Variants in GRIN3A observed in about 807,000 individuals in gnomAD.
GRIN3A encodes the protein glutamate receptor ionotropic, NMDA 3A.
In GRIN3A, 47 loss-of-function variants were observed where a neutral mutation model predicts 92.4. That is an observed-to-expected ratio of 0.51 (90% CI 0.40 to 0.65). GRIN3A has a LOEUF of 0.65. Ranked by LOEUF, GRIN3A falls within the 30% of genes least tolerant of loss-of-function variation. The probability of loss-of-function intolerance (pLI) is 0.00; values close to 1 mark genes in which losing one functional copy is unlikely to be tolerated. For missense variants in GRIN3A, 1,324 were observed against 1,393.1 expected (o/e 0.95, Z 0.79); for synonymous variants, 527 against 540.6 (o/e 0.97, Z 0.35).
At chr9:101,702,885 T>C (rs990222467) in intron 1 of GRIN3A, among the ~76,000 whole-genome samples, 4 of 152,178 alleles carry the variant, frequency 2.6e-5, no homozygotes, top group Non-Finnish European at 4.4e-5. Context: ...AAATCAGCTT[T>C]TAATCTCTCT....
chr9:101,711,229 C>A (rs1345422218), intron 1 of GRIN3A, among the ~76,000 whole-genome samples: 1 of 152,132 alleles, frequency 6.6e-6, no homozygotes, highest in Non-Finnish European at 1.5e-5. Flanking sequence ...CCTGGATCAT[C>A]GAGCCATGAT....
At chr9:101,626,730 A>G (rs1467281448) in intron 4 of GRIN3A, among the ~76,000 whole-genome samples, 1 of 152,210 alleles carries the variant, frequency 6.6e-6, no homozygotes, top group Non-Finnish European at 1.5e-5. Flanking sequence ...AACATGGACT[A>G]TTCTGCAAAC....
At chr9:101,624,324 T>C (rs1828600300) in intron 4 of GRIN3A, among the ~76,000 whole-genome samples, 1 of 151,506 alleles carries the variant, frequency 6.6e-6, no homozygotes, top group Admixed American at 6.6e-5. Flanking sequence ...GCTGCACCCA[T>C]TAACTCGTCA....
intron 3 of GRIN3A, among the ~76,000 whole-genome samples, chr9:101,655,405 C>G (rs749015294): frequency 9.2e-5 from 14 of 151,888 alleles, no homozygotes; most frequent in Non-Finnish European, 1.8e-4. Flanking sequence ...TGGTAATTCA[C>G]AAGTACTAGA....
At chr9:101,607,155 A>AG (rs1178723647) in intron 6 of GRIN3A, among the ~76,000 whole-genome samples, 1 of 128,036 alleles carries the variant, frequency 7.8e-6, no homozygotes, top group Non-Finnish European at 1.6e-5. Flanking sequence ...CCTGGAATTC[A>AG]GGAAAAAAAA....
chr9:101,635,478 C>T (rs1306715763), intron 3 of GRIN3A, among the ~76,000 whole-genome samples: 5 of 152,198 alleles, frequency 3.3e-5, no homozygotes, highest in African/African-American at 1.2e-4. Flanking sequence ...CTGATATAGA[C>T]AATTTGAATC....
At chr9:101,619,887 G>A (rs1054724023) in intron 5 of GRIN3A, among the ~76,000 whole-genome samples, 1 of 152,042 alleles carries the variant, frequency 6.6e-6, no homozygotes, top group African/African-American at 2.4e-5. Context: ...ATATGTATTT[G>A]TGCCCCTGGT....
chr9:101,621,023 G>A (rs772984740), intron 5 of GRIN3A, among the ~76,000 whole-genome samples: 7 of 151,934 alleles, frequency 4.6e-5, no homozygotes, highest in Non-Finnish European at 7.4e-5. Flanking sequence ...GGTGGCTCAC[G>A]CCTGTAATCC....
At chr9:101,581,874 A>G (rs1449288152) in intron 6 of GRIN3A, among the ~76,000 whole-genome samples, 1 of 152,208 alleles carries the variant, frequency 6.6e-6, no homozygotes, top group African/African-American at 2.4e-5. Context: ...GAATATGTGT[A>G]AGGCACAATT....
At chr9:101,707,342 A>G (rs539428034) in intron 1 of GRIN3A, among the ~76,000 whole-genome samples, 2 of 152,352 alleles carry the variant, frequency 1.3e-5, no homozygotes, top group African/African-American at 4.8e-5. Flanking sequence ...TTTATATCTA[A>G]TAAGCTTAAA....
intron 6 of GRIN3A, among the ~76,000 whole-genome samples, chr9:101,609,041 C>T (rs1296653861): frequency 6.6e-6 from 1 of 152,146 alleles, no homozygotes; most frequent in Non-Finnish European, 1.5e-5. Context: ...TCTTCTGTCT[C>T]CCCCTTCCTA....
chr9:101,639,974 G>A (rs1484265451), intron 3 of GRIN3A, among the ~76,000 whole-genome samples: 1 of 152,136 alleles, frequency 6.6e-6, no homozygotes, highest in East Asian at 1.9e-4. Flanking sequence ...TGTTTGTCAT[G>A]GCTAAATAGT....
At chr9:101,687,340 G>T in intron 1 of GRIN3A, 140 bp from the exon 2 acceptor site, 2 of 819,358 alleles carry the variant, frequency 2.4e-6, no homozygotes, top group Non-Finnish European at 3.9e-6. Context: ...CCCATAGTTT[G>T]GAAAACTATG....
At chr9:101,718,568 A>T (rs1295387535) in intron 1 of GRIN3A, among the ~76,000 whole-genome samples, 1 of 152,186 alleles carries the variant, frequency 6.6e-6, no homozygotes, top group Non-Finnish European at 1.5e-5. Flanking sequence ...AGCTGCTTAG[A>T]ATTCACCTTA....
intron 1 of GRIN3A, among the ~76,000 whole-genome samples, chr9:101,696,706 A>G (rs1370543030): frequency 6.6e-6 from 1 of 152,206 alleles, no homozygotes; most frequent in Non-Finnish European, 1.5e-5. Flanking sequence ...TAAACTGTCT[A>G]GCATGCAAGT....
At chr9:101,644,272 A>G (rs1828904128) in intron 3 of GRIN3A, among the ~76,000 whole-genome samples, 1 of 151,902 alleles carries the variant, frequency 6.6e-6, no homozygotes, top group African/African-American at 2.4e-5. Flanking sequence ...TTCCAGGTAG[A>G]CTATTTCTTC....
intron 1 of GRIN3A, among the ~76,000 whole-genome samples, chr9:101,726,807 G>T (rs1444460073): frequency 6.6e-6 from 1 of 151,108 alleles, no homozygotes; most frequent in Non-Finnish European, 1.5e-5. Context: ...TATTTATGGG[G>T]TACATAAGAT....
chr9:101,701,814 A>AT (rs1829758892), intron 1 of GRIN3A, among the ~76,000 whole-genome samples: 1 of 152,220 alleles, frequency 6.6e-6, no homozygotes. Context: ...ATAGATGATT[A>AT]GGAGTTTTTT....
At chr9:101,736,025 A>C (rs1244251435) in intron 1 of GRIN3A, among the ~76,000 whole-genome samples, 1 of 152,212 alleles carries the variant, frequency 6.6e-6, no homozygotes, top group Non-Finnish European at 1.5e-5. Context: ...CAATTTATGC[A>C]TAGATTCTAT....
Sources: allele counts gnomAD v4.1 joint callset (sites outside exome capture counted in the v4.1 genomes callset), GRCh38; gene constraint gnomAD v4.1.1; transcripts MANE v1.5; gene names NCBI Gene and HGNC (gene_info 2026-07-23, HGNC 2026-07-21).